LYPD1: variants seen among roughly 807,000 people sequenced by gnomAD.
LYPD1 encodes ly6/PLAUR domain-containing protein 1.
LYPD1 carries 14 observed loss-of-function variants against 14.2 expected under a neutral mutation model. The ratio of observed to expected loss-of-function variants is 0.99; its 90% confidence interval spans 0.65 to 1.54. The LOEUF is 1.54. Among genes scored for constraint, LYPD1 ranks in the 40% most tolerant of loss-of-function variants. The pLI, the probability that LYPD1 is intolerant of heterozygous loss-of-function variation, is 0.00. For synonymous variants in LYPD1, 85 were observed against 70.6 expected (o/e 1.20, Z -1.02); for missense variants, 165 against 175.7 (o/e 0.94, Z 0.34).
At position 132,645,741 on chromosome 2, in the gene LYPD1, C is replaced by A; in HGVS notation, c.*304G>T. 2 of 1,239,604 alleles carry A rather than the reference C, an allele frequency of 1.6e-6. No individual in the cohort carries two copies. The highest frequency in any genetic ancestry group is 2.4e-5 in the East Asian group (1 of 41,150). The allele number at this position is 1,239,604 out of a possible 1,614,324, so 76.8% of individuals were successfully genotyped here. ...GGAGGCTTTACAAAAGGCAGATGCC[C>A]ACCTCAGTGACTTCTAAGGACTGAC... On this transcript the variant is annotated 3_prime_UTR_variant, in exon 3 of 3. Transcript: ENST00000397463.
At chr2:132,650,881 G>A (rs1428097951) in intron 2 of LYPD1, among the ~76,000 whole-genome samples, 1 of 152,120 alleles carries the variant, frequency 6.6e-6, no homozygotes, top group African/African-American at 2.4e-5. Flanking sequence ...GCAAAAATAG[G>A]GTAGGTAATT....
intron 2 of LYPD1, among the ~76,000 whole-genome samples, chr2:132,654,075 A>G (rs1462154771): frequency 6.6e-6 from 1 of 152,256 alleles, no homozygotes; most frequent in African/African-American, 2.4e-5. Flanking sequence ...GCATGGTTTC[A>G]TTAACAGTAC....
intron 2 of LYPD1, among the ~76,000 whole-genome samples, chr2:132,647,942 T>C (rs534378633): frequency 6.7e-6 from 1 of 150,180 alleles, no homozygotes; most frequent in South Asian, 2.1e-4. Flanking sequence ...CCGTAAAACA[T>C]GCAATTTTAT....
intron 2 of LYPD1, among the ~76,000 whole-genome samples, chr2:132,657,963 AC>A (rs1431017246): frequency 6.6e-6 from 1 of 152,158 alleles, no homozygotes; most frequent in Non-Finnish European, 1.5e-5. Flanking sequence ...CTCAGTCACT[AC>A]CCTTACAGCT....
At chr2:132,648,622 T>C (rs929510213) in intron 2 of LYPD1, among the ~76,000 whole-genome samples, 3 of 152,224 alleles carry the variant, frequency 2.0e-5, no homozygotes, top group African/African-American at 7.2e-5. Flanking sequence ...CATGTCCTTA[T>C]GAAGAGATGG....
rs151118262 is a variant in LYPD1 at position 132,645,123 on chromosome 2, C to T, written c.*922G>A. ...CAGGGCTGATTGTTGTGACATTGGC[C>T]GTATGCTGGATGCCCAACCAGATTC... On this transcript the variant is annotated 3_prime_UTR_variant, in exon 3 of 3. Transcript: ENST00000397463. 3.0e-5 allele frequency: 49 copies of T among 1,613,418 alleles called. No individual in the cohort carries two copies. The Admixed American group carries it at 4.2e-4, about 14-fold the overall frequency.
intron 2 of LYPD1, among the ~76,000 whole-genome samples, chr2:132,662,188 C>T (rs1302373137): frequency 6.6e-6 from 1 of 152,198 alleles, no homozygotes; most frequent in Non-Finnish European, 1.5e-5. Flanking sequence ...ATCTGGGCCA[C>T]CCTTCAGAAG....
At position 132,644,841 on chromosome 2, in the gene LYPD1, A is replaced by G; in HGVS notation, c.*1204T>C. 2.2e-6 allele frequency: 1 copy of G among 445,720 alleles called. No individual in the cohort carries two copies. Among genetic ancestry groups the G allele is most frequent in the East Asian group, 3.7e-5 (1 of 27,346 alleles). The allele number at this position is 445,720 out of a possible 1,614,324, so 27.6% of individuals were successfully genotyped here. ...ATTTTTTTAAAATTAACAGACATCA[A>G]CTGGTATAAATACACTGTCTAAAGC... is the stretch of plus-strand genomic sequence containing the variant. On this transcript the variant is annotated 3_prime_UTR_variant, in exon 3 of 3. Coordinates refer to ENST00000397463, the MANE Select transcript of LYPD1 (RefSeq NM_144586.7).
chr2:132,669,742 C>G lies in LYPD1; in HGVS notation c.52+139G>C, dbSNP rs544002815. 33 of 1,444,736 alleles carry G rather than the reference C, an allele frequency of 2.3e-5. No homozygotes were observed. The African/African-American group carries it at 3.9e-4, about 17-fold the overall frequency. The allele number at this position is 1,444,736 out of a possible 1,614,324, so 89.5% of individuals were successfully genotyped here. A position where few individuals can be genotyped will look rare whatever the true frequency, so the allele number is the denominator to read the frequency against. Reference sequence around the variant, plus strand: ...TTTCCCAGCCTCGCGCCCCGGGGCACCAGTCGCGGCCGCCAACTCCCGCTG... The same window carrying G: ...TTTCCCAGCCTCGCGCCCCGGGGCAGCAGTCGCGGCCGCCAACTCCCGCTG... On this transcript the variant is annotated intron_variant, in intron 1 of 2. Coordinates refer to ENST00000397463, the MANE Select transcript of LYPD1 (RefSeq NM_144586.7). The surrounding 1 kb of genome is among the most constrained non-coding windows in gnomAD (Gnocchi z 4.3).
intron 2 of LYPD1, among the ~76,000 whole-genome samples, chr2:132,646,857 A>AGTCT (rs1296441129): frequency 6.6e-6 from 1 of 152,192 alleles, no homozygotes; most frequent in Admixed American, 6.5e-5. Flanking sequence ...TGTCCCTCAC[A>AGTCT]GTCTTATTCT....
Position 132,645,647 on chromosome 2 carries a change from G to C in LYPD1, c.*398C>G. 1.3e-6 allele frequency: 2 copies of C among 1,574,640 alleles called. No homozygotes were observed. The highest frequency in any genetic ancestry group is 1.7e-6 in the Non-Finnish European group (2 of 1,162,314). On this transcript the variant is annotated 3_prime_UTR_variant, in exon 3 of 3. Coordinates refer to ENST00000397463, the MANE Select transcript of LYPD1 (RefSeq NM_144586.7). ...GCCTTGAGTGGGAACTGGCCCTCCA[G>C]CCCTAAGAAAACGTCACTCTCACTC... is the stretch of plus-strand genomic sequence containing the variant.
intron 2 of LYPD1, among the ~76,000 whole-genome samples, chr2:132,656,811 T>G (rs1682620768): frequency 6.6e-6 from 1 of 152,128 alleles, no homozygotes; most frequent in African/African-American, 2.4e-5. Context: ...CCAACAAGAA[T>G]GCTAACAACT....
At chr2:132,652,682 G>T (rs147032621) in intron 2 of LYPD1, among the ~76,000 whole-genome samples, 4 of 152,300 alleles carry the variant, frequency 2.6e-5, no homozygotes, top group Non-Finnish European at 5.9e-5. Context: ...CGCAGACCAG[G>T]AGTGTGCCCA....
chr2:132,665,258 T>A (rs1013453207), intron 2 of LYPD1, among the ~76,000 whole-genome samples: 1 of 152,256 alleles, frequency 6.6e-6, no homozygotes, highest in African/African-American at 2.4e-5. Flanking sequence ...CTATGCATAT[T>A]GCATGGCTGG....
chr2:132,646,126 T>TC lies in LYPD1; in HGVS notation c.344dup (p.Ser116LysfsTer52), dbSNP rs753529706. 26 of 1,609,816 alleles carry TC rather than the reference T, an allele frequency of 1.6e-5. No homozygotes were observed. The highest frequency in any genetic ancestry group is 2.0e-5 in the Non-Finnish European group (24 of 1,177,790). ...CTGGCCTGAGGGCCGAGGCAGAACT[T>TC]CCCCTTTTCTTGGGCCTTGGCCCGT... On this transcript the variant is annotated frameshift_variant, in exon 3 of 3. Coordinates refer to ENST00000397463, the MANE Select transcript of LYPD1 (RefSeq NM_144586.7). LOFTEE classifies it high-confidence loss of function.
rs1683487714 is a variant in LYPD1 at position 132,669,297 on chromosome 2, C to T, written c.52+584G>A. On this transcript the variant is annotated intron_variant, in intron 1 of 2. Coordinates refer to ENST00000397463, the MANE Select transcript of LYPD1 (RefSeq NM_144586.7). This position sits in a 1 kb window ranked among gnomAD's most constrained non-coding sequence, Gnocchi z 4.3. ...TGGTCGGGGTTCCAGCTCTGCAGAGCTTAGTCGGGAGCCAGTAGGCGAACT... is the reference window on the plus strand; with the variant it reads ...TGGTCGGGGTTCCAGCTCTGCAGAGTTTAGTCGGGAGCCAGTAGGCGAACT... Among the ~76,000 whole-genome samples, 2 of 152,118 alleles carry T rather than the reference C, an allele frequency of 1.3e-5. No homozygotes were observed.
intron 2 of LYPD1, among the ~76,000 whole-genome samples, chr2:132,657,832 C>T (rs574964327): frequency 6.6e-5 from 10 of 152,232 alleles, no homozygotes; most frequent in Non-Finnish European, 1.3e-4. Context: ...TGGTGATTTT[C>T]GGGAAAGAAA....
At chr2:132,663,042 G>C (rs1573751116) in intron 2 of LYPD1, 2 of 152,182 alleles carry the variant, frequency 1.3e-5, no homozygotes, top group African/African-American at 4.8e-5. Flanking sequence ...GTTGCTTCTT[G>C]AGAACTAAGT....
intron 2 of LYPD1, among the ~76,000 whole-genome samples, chr2:132,655,853 C>T (rs532800821): frequency 1.3e-5 from 2 of 152,036 alleles, no homozygotes; most frequent in Non-Finnish European, 2.9e-5. Context: ...TACAAATAGC[C>T]CCTGGACCTT....
Sources: gnomAD v4.1 joint callset for allele counts (sites outside exome capture counted in the v4.1 genomes callset) on GRCh38, gnomAD v4.1.1 for gene constraint, Gnocchi (gnomAD v3.1) non-coding constraint, MANE v1.5 for transcripts, NCBI Gene and HGNC (gene_info 2026-07-23, HGNC 2026-07-21) for gene names.